The following BACE2 variants were observed in gnomAD, a reference collection of about 807,000 sequenced individuals.
The protein encoded by BACE2 is beta-secretase 2, also known as 56 kDa aspartic-like protease.
A neutral mutation model predicts 46.2 loss-of-function variants in BACE2; 17 were observed. That is an observed-to-expected ratio of 0.37 (90% CI 0.25 to 0.55). The LOEUF is 0.55. BACE2 is among the 20% of genes least tolerant of loss of function. BACE2 has a pLI of 0.82. For missense variants in BACE2, 595 were observed against 698.1 expected (o/e 0.85, Z 1.66); for synonymous variants, 277 against 295.9 (o/e 0.94, Z 0.66).
At chr21:41,259,955 C>T (rs1230108627) in intron 8 of BACE2, among the ~76,000 whole-genome samples, 1 of 152,008 alleles carries the variant, frequency 6.6e-6, no homozygotes, top group Non-Finnish European at 1.5e-5. Flanking sequence ...CCTCAACCTC[C>T]TGAGTAGCTG....
chr21:41,194,465 T>G (rs1985675044), intron 1 of BACE2, among the ~76,000 whole-genome samples: 1 of 152,212 alleles, frequency 6.6e-6, no homozygotes, highest in African/African-American at 2.4e-5. Flanking sequence ...AGGACACAGT[T>G]GTAGGCAGTG....
intron 1 of BACE2, among the ~76,000 whole-genome samples, chr21:41,169,982 G>T (rs1984547102): frequency 6.6e-6 from 1 of 152,158 alleles, no homozygotes; most frequent in South Asian, 2.1e-4. Context: ...TTGGAAATAT[G>T]ACAAGATATT....
chr21:41,183,839 A>G, intron 1 of BACE2: 1 of 167,162 alleles, frequency 6.0e-6, no homozygotes. Context: ...GGACATTTGC[A>G]TTGCCAGGGG....
chr21:41,219,693 A>T (rs890553624), intron 1 of BACE2, among the ~76,000 whole-genome samples: 9 of 152,344 alleles, frequency 5.9e-5, no homozygotes, highest in African/African-American at 2.2e-4. Context: ...TGCAAGAATT[A>T]CTCAGCCTCC....
intron 1 of BACE2, chr21:41,179,068 G>C: frequency 8.7e-7 from 1 of 1,154,302 alleles, no homozygotes; most frequent in South Asian, 1.6e-5. Flanking sequence ...GAAGACTTGA[G>C]GGTGTCAGGG....
intron 1 of BACE2, among the ~76,000 whole-genome samples, chr21:41,170,215 C>CA (rs34756203): frequency 0.85 from 126,595 of 148,278 alleles, 54,164 homozygotes; most frequent in East Asian, 0.99. Context: ...CTTTGGCAAT[C>CA]AAAAAAAAAA....
chr21:41,239,926 G>A (rs1987241003), intron 3 of BACE2, among the ~76,000 whole-genome samples: 1 of 152,248 alleles, frequency 6.6e-6, no homozygotes, highest in African/African-American at 2.4e-5. Context: ...TTCCGAAGAT[G>A]ATAGAGTAAA....
intron 1 of BACE2, among the ~76,000 whole-genome samples, chr21:41,212,214 T>C (rs6517657): frequency 0.83 from 125,619 of 152,172 alleles, 52,036 homozygotes; most frequent in East Asian, 0.96. Context: ...GTGAGGGCTT[T>C]GTGCTTCATA....
chr21:41,238,551 C>T (rs1987195681), intron 3 of BACE2, among the ~76,000 whole-genome samples: 1 of 151,910 alleles, frequency 6.6e-6, no homozygotes, highest in East Asian at 1.9e-4. Flanking sequence ...TTGGAACCAA[C>T]CCAAATGTCC....
intron 4 of BACE2, 142 bp downstream of exon 4, chr21:41,242,089 A>T (rs1358619438): frequency 8.9e-7 from 1 of 1,117,342 alleles, no homozygotes; most frequent in African/African-American, 1.6e-5. Context: ...CTTGTAGTAG[A>T]TCTTTTTAGA....
intron 1 of BACE2, among the ~76,000 whole-genome samples, chr21:41,173,765 G>T (rs943372417): frequency 2.6e-5 from 4 of 152,106 alleles, no homozygotes; most frequent in African/African-American, 7.2e-5. Context: ...AATTTAAAAT[G>T]TCCCATGTCA....
intron 1 of BACE2, among the ~76,000 whole-genome samples, chr21:41,218,776 C>G (rs986808790): frequency 6.6e-6 from 1 of 151,908 alleles, no homozygotes; most frequent in Non-Finnish European, 1.5e-5. Context: ...TACAAAAAGG[C>G]ATATCATGAA....
intron 1 of BACE2, among the ~76,000 whole-genome samples, chr21:41,206,978 G>A (rs568582411): frequency 6.6e-6 from 1 of 152,212 alleles, no homozygotes; most frequent in African/African-American, 2.4e-5. Flanking sequence ...TGGTAACTAG[G>A]GTAAAGTTAA....
In BACE2 at chr21:41,216,399, G is replaced by C. The variant is rs190172632; in HGVS notation, c.313-9867G>C. 1.8e-3 allele frequency among the ~76,000 whole-genome samples: 274 copies of C among 152,364 alleles called. 2 individuals carry two copies. Among genetic ancestry groups the C allele is most frequent in the African/African-American group, 6.3e-3 (262 of 41,588 alleles). ...ACTGGCTTTGCCAAGCTGTGACTCT[G>C]AGTTGAACCTTCTTGAAAACTAGCT... On this transcript the variant is annotated intron_variant, in intron 1 of 8. Coordinates refer to ENST00000330333, the MANE Select transcript of BACE2 (RefSeq NM_012105.5).
chr21:41,251,065 G>A (rs574123100), intron 7 of BACE2, among the ~76,000 whole-genome samples, 164 bp downstream of exon 7: 3 of 152,292 alleles, frequency 2.0e-5, no homozygotes, highest in South Asian at 2.1e-4. Context: ...CAGGCAGGGC[G>A]GTGTCCCTTG....
intron 1 of BACE2, among the ~76,000 whole-genome samples, chr21:41,213,949 G>A (rs1986376289): frequency 6.6e-6 from 1 of 152,190 alleles, no homozygotes; most frequent in South Asian, 2.1e-4. Flanking sequence ...GCTGTGGACT[G>A]TGTGTCCCTG....
At position 41,278,373 on chromosome 21, in the gene BACE2, A is replaced by G. The variant is rs2088511927; in HGVS notation, c.*2749A>G. 1 of 152,222 alleles carries G rather than the reference A, an allele frequency of 6.6e-6. No individual in the cohort carries two copies. The highest frequency in any genetic ancestry group is 2.1e-4 in the South Asian group (1 of 4,834). The allele number at this position is 152,222 out of a possible 1,614,324, so 9.4% of individuals were successfully genotyped here. A position where few individuals can be genotyped will look rare whatever the true frequency, so the allele number is the denominator to read the frequency against. On this transcript the variant is annotated 3_prime_UTR_variant, in exon 9 of 9. Coordinates refer to ENST00000330333, the MANE Select transcript of BACE2 (RefSeq NM_012105.5). Reference sequence around the variant, plus strand: ...TTCTTGGGAATTTGAAAGAGCCACAAGTGATTGGTGTCCGATCTCCCAGCA... The same window carrying G: ...TTCTTGGGAATTTGAAAGAGCCACAGGTGATTGGTGTCCGATCTCCCAGCA...
At chr21:41,229,771 T>C (rs1403988264) in intron 2 of BACE2, among the ~76,000 whole-genome samples, 1 of 152,226 alleles carries the variant, frequency 6.6e-6, no homozygotes, top group Admixed American at 6.5e-5. Context: ...AAGTGGCAGA[T>C]GGTTCCTGTT....
At chr21:41,181,138 A>G (rs1985105980) in intron 1 of BACE2, 1 of 167,112 alleles carries the variant, frequency 6.0e-6, no homozygotes, top group Admixed American at 6.5e-5. Context: ...AGAGTGGCCA[A>G]CGTTCATTCA....
Sources: allele counts gnomAD v4.1 joint callset (sites outside exome capture counted in the v4.1 genomes callset), GRCh38; gene constraint gnomAD v4.1.1; transcripts MANE v1.5; gene names NCBI Gene and HGNC (gene_info 2026-07-23, HGNC 2026-07-21).